Variants in MYO16 observed in about 807,000 individuals in gnomAD.
MYO16 encodes unconventional myosin-XVI.
Under a neutral mutation model 205.3 loss-of-function variants are expected in MYO16, and 94 were observed. The observed-to-expected ratio is 0.46, with a 90% CI of 0.39 to 0.54. The LOEUF (loss-of-function observed/expected upper bound fraction) is 0.54. MYO16 is among the 20% of genes least tolerant of loss of function. MYO16 has a pLI of 0.00. For missense variants in MYO16, 2,315 were observed against 2,387.5 expected (o/e 0.97, Z 0.63); for synonymous variants, 988 against 954.0 (o/e 1.04, Z -0.66).
At chr13:109,041,275 T>G (rs769006370) in intron 23 of MYO16, among the ~76,000 whole-genome samples, 1 of 152,182 alleles carries the variant, frequency 6.6e-6, no homozygotes, top group Non-Finnish European at 1.5e-5. Flanking sequence ...TTAATAGTAA[T>G]CATCATAGTA....
At chr13:108,844,145 A>T (rs1877388562) in intron 9 of MYO16, among the ~76,000 whole-genome samples, 198 bp from the exon 10 acceptor site, 1 of 152,092 alleles carries the variant, frequency 6.6e-6, no homozygotes, top group South Asian at 2.1e-4. Flanking sequence ...TTTCTTTTAA[A>T]ATTAAAGTTG....
At position 109,127,146 on chromosome 13, in the gene MYO16, C is replaced by T. The variant is rs999970333; in HGVS notation, c.3783-136C>T. The stretch of plus-strand genomic sequence containing the variant: ...CAACTGGTCACCAGAGGGCTGCACA[C>T]GTCCTCCAGCCACAGCAGGAAGGGC... On this transcript the variant is annotated intron_variant, in intron 30 of 34. Coordinates refer to ENST00000457511, the MANE Select transcript of MYO16 (RefSeq NM_001198950.3). This position sits in a 1 kb window ranked among gnomAD's most constrained non-coding sequence, Gnocchi z 4.2. 1.6e-5 allele frequency: 19 copies of T among 1,163,420 alleles called. No homozygotes were observed. The highest frequency in any genetic ancestry group is 1.2e-4 in the African/African-American group (8 of 64,446). 72.1% of individuals were successfully genotyped at this position (1,163,420 alleles called of 1,614,324 possible). A position where few individuals can be genotyped will look rare whatever the true frequency, so the allele number is the denominator to read the frequency against.
intron 1 of MYO16, among the ~76,000 whole-genome samples, chr13:108,642,957 A>G (rs1254368905): frequency 6.6e-6 from 1 of 152,118 alleles, no homozygotes; most frequent in African/African-American, 2.4e-5. Flanking sequence ...CTGGTTCTAG[A>G]TGTAACTCTT....
intron 32 of MYO16, among the ~76,000 whole-genome samples, chr13:109,144,515 G>A (rs958604671): frequency 2.6e-5 from 4 of 152,150 alleles, no homozygotes; most frequent in Admixed American, 6.5e-5. Flanking sequence ...TTGATCCTGA[G>A]GTTAGTAATC....
intron 4 of MYO16, among the ~76,000 whole-genome samples, chr13:108,751,418 T>G (rs1302549281): frequency 1.3e-5 from 2 of 152,160 alleles, no homozygotes; most frequent in Non-Finnish European, 2.9e-5. Context: ...GATTATTACT[T>G]AAATATGAAA....
chr13:108,495,826 C>T, the MYO16 span, among the ~76,000 whole-genome samples: 1 of 151,650 alleles, frequency 6.6e-6, no homozygotes, highest in Non-Finnish European at 1.5e-5. Flanking sequence ...GGGCAACTGC[C>T]GACCCCTCTC....
At chr13:108,618,976 T>C (rs1232444359) in intron 1 of MYO16, among the ~76,000 whole-genome samples, 1 of 152,170 alleles carries the variant, frequency 6.6e-6, no homozygotes, top group Non-Finnish European at 1.5e-5. Context: ...GAAAGTTCCC[T>C]AGAGCCCTTT....
intron 12 of MYO16, among the ~76,000 whole-genome samples, chr13:108,872,475 T>C (rs1879117459): frequency 6.6e-6 from 1 of 152,026 alleles, no homozygotes; most frequent in Non-Finnish European, 1.5e-5. Context: ...TTGCAGTTTT[T>C]TCAGAAATAC....
intron 1 of MYO16, among the ~76,000 whole-genome samples, chr13:108,620,751 C>T (rs759993730): frequency 3.3e-5 from 5 of 152,206 alleles, no homozygotes; most frequent in South Asian, 2.1e-4. Flanking sequence ...CCCAGTTCCT[C>T]GCCCTTGGGG....
At chr13:109,093,442 A>C (rs1440880536) in intron 27 of MYO16, among the ~76,000 whole-genome samples, 1 of 152,186 alleles carries the variant, frequency 6.6e-6, no homozygotes, top group Non-Finnish European at 1.5e-5. Context: ...CCAGCAAGGT[A>C]ATAAATCTAG....
chr13:108,532,837 A>G, the MYO16 span, among the ~76,000 whole-genome samples: 13 of 152,134 alleles, frequency 8.5e-5, no homozygotes, highest in Admixed American at 6.5e-5. Context: ...GAAGGTTTGT[A>G]TATGAGAGGA....
At position 108,747,055 on chromosome 13, in the gene MYO16, A is replaced by G. The variant is rs182620795; in HGVS notation, c.507+19472A>G. Among the ~76,000 whole-genome samples, 7 of 152,322 alleles carry G rather than the reference A, an allele frequency of 4.6e-5. No individual in the cohort carries two copies. The East Asian group carries it at 1.3e-3, about 29-fold the overall frequency. On this transcript the variant is annotated intron_variant, in intron 4 of 34. Transcript: ENST00000457511. ...CCAACATAGAATTTTATTTCCAGCA[A>G]AATTATCCTTCAATTATCCTGTGAA...
chr13:108,995,362 C>G (rs547201383), intron 21 of MYO16, among the ~76,000 whole-genome samples: 2 of 152,274 alleles, frequency 1.3e-5, no homozygotes, highest in Admixed American at 1.3e-4. Flanking sequence ...CCTTCTAATC[C>G]CATCACTTTG....
chr13:108,604,494 T>C (rs111825316), intron 1 of MYO16, among the ~76,000 whole-genome samples: 1 of 152,172 alleles, frequency 6.6e-6, no homozygotes, highest in Non-Finnish European at 1.5e-5. Flanking sequence ...TTTATTGCAA[T>C]GGTGATAGCA....
At chr13:108,841,409 C>A (rs2139065510) in intron 9 of MYO16, among the ~76,000 whole-genome samples, 1 of 152,216 alleles carries the variant, frequency 6.6e-6, no homozygotes, top group African/African-American at 2.4e-5. Flanking sequence ...ATACAAAAAG[C>A]AACTCACAAT....
At position 109,127,578 on chromosome 13, in the gene MYO16, G is replaced by C; in HGVS notation, c.4051+28G>C. 6.2e-7 allele frequency: 1 copy of C among 1,600,886 alleles called. No homozygotes were observed. Among genetic ancestry groups the C allele is most frequent in the Non-Finnish European group, 8.5e-7 (1 of 1,177,744 alleles). On this transcript the variant is annotated intron_variant, in intron 31 of 34. Coordinates refer to ENST00000457511, the MANE Select transcript of MYO16 (RefSeq NM_001198950.3). This position sits in a 1 kb window ranked among gnomAD's most constrained non-coding sequence, Gnocchi z 4.2. ...CAGCCCTGGGGAGGGACCCAGCCTC[G>C]TGTTCCGGGCTCGCGCATGCTCTGA...
At chr13:108,613,139 A>T (rs1040119258) in intron 1 of MYO16, among the ~76,000 whole-genome samples, 2 of 152,186 alleles carry the variant, frequency 1.3e-5, no homozygotes, top group Non-Finnish European at 2.9e-5. Context: ...ACGTTGTCTT[A>T]AGAGGGCTAA....
the MYO16 span, among the ~76,000 whole-genome samples, chr13:108,573,138 G>A: frequency 5.9e-5 from 9 of 152,158 alleles, no homozygotes; most frequent in Non-Finnish European, 1.2e-4. Context: ...CAAATGACAC[G>A]GCCAAGTGTA....
At chr13:108,971,333 GGTGT>G (rs1197739437) in intron 20 of MYO16, among the ~76,000 whole-genome samples, 1 of 115,008 alleles carries the variant, frequency 8.7e-6, no homozygotes, top group Non-Finnish European at 1.8e-5. Flanking sequence ...TGAATAAAAT[GGTGT>G]GTGTGTGTTG....
Sources: allele counts gnomAD v4.1 joint callset (sites outside exome capture counted in the v4.1 genomes callset), GRCh38; gene constraint gnomAD v4.1.1; non-coding constraint Gnocchi (gnomAD v3.1); transcripts MANE v1.5; gene names NCBI Gene and HGNC (gene_info 2026-07-23, HGNC 2026-07-21).